Variants in SUSD4 observed in about 807,000 individuals in gnomAD.
The protein encoded by SUSD4 is sushi domain-containing protein 4.
SUSD4 carries 41 observed loss-of-function variants against 50.5 expected under a neutral mutation model. The observed-to-expected ratio is 0.81, with a 90% confidence interval of 0.63 to 1.05. The LOEUF is 1.05. Among genes scored for constraint, SUSD4 ranks in the 50% least tolerant of loss-of-function variants. The probability of loss-of-function intolerance (pLI) is 0.00; values close to 1 mark genes in which losing one functional copy is unlikely to be tolerated. For synonymous variants in SUSD4, 257 were observed against 257.3 expected (o/e 1.00, Z 0.01); for missense variants, 580 against 634.7 (o/e 0.91, Z 0.93).
In SUSD4 at chr1:223,229,218, G is replaced by C. The variant is rs774042536; in HGVS notation, c.895C>G (p.Gln299Glu). The change falls in exon 6 of 9, where the codon CAA becomes GAA. Residue 299 changes from glutamine (Q) to glutamate (E), a missense_variant. Coordinates refer to ENST00000366878, the MANE Select transcript of SUSD4 (RefSeq NM_017982.4). The surrounding 1 kb of genome is among the most constrained non-coding windows in gnomAD (Gnocchi z 4.7). ...TTACCTGATTTGATGCAGTAGACTT[G>C]ATAAGAAGGAAACCACTCTCCATAC... The part of the protein sequence containing the change: ...CQYGEWFPSY[Q>E]VYCIKSEQTW... 20 of 1,607,092 alleles carry C rather than the reference G, an allele frequency of 1.2e-5. No individual in the cohort carries two copies. The South Asian group carries it at 2.1e-4, about 17-fold the overall frequency.
At chr1:223,333,446 T>C (rs825127) in intron 2 of SUSD4, among the ~76,000 whole-genome samples, 1 of 151,846 alleles carries the variant, frequency 6.6e-6, no homozygotes, top group African/African-American at 2.4e-5. Flanking sequence ...TTAAAATTAG[T>C]GCTTCCTGTT....
chr1:223,233,880 G>T (rs1389758955), intron 5 of SUSD4, among the ~76,000 whole-genome samples: 1 of 149,864 alleles, frequency 6.7e-6, no homozygotes, highest in Non-Finnish European at 1.5e-5. Context: ...CAGGGCTTTT[G>T]TGAGGCTTGG....
At chr1:223,343,781 C>T (rs762407916) in intron 2 of SUSD4, among the ~76,000 whole-genome samples, 17 of 152,184 alleles carry the variant, frequency 1.1e-4, no homozygotes, top group Non-Finnish European at 2.2e-4. Context: ...TTAAACCTAG[C>T]TATGGTTTCC....
At chr1:223,329,803 T>C (rs189339944) in intron 2 of SUSD4, among the ~76,000 whole-genome samples, 43 of 151,958 alleles carry the variant, frequency 2.8e-4, no homozygotes, top group African/African-American at 9.9e-4. Context: ...GAGAGATGAA[T>C]AGATAAATGA....
At chr1:223,249,679 T>C (rs747861745) in intron 5 of SUSD4, among the ~76,000 whole-genome samples, 1 of 152,180 alleles carries the variant, frequency 6.6e-6, no homozygotes, top group Non-Finnish European at 1.5e-5. Flanking sequence ...ATATTATCCA[T>C]AGAAAATAAA....
intron 6 of SUSD4, among the ~76,000 whole-genome samples, chr1:223,228,611 T>G (rs1325941356): frequency 6.6e-6 from 1 of 152,202 alleles, no homozygotes; most frequent in African/African-American, 2.4e-5. Context: ...TCATTTGCTT[T>G]TAACTATGAA....
rs539490568 is a variant in SUSD4 at position 223,256,918 on chromosome 1, G to A, written c.724+7712C>T. 9.1e-4 allele frequency among the ~76,000 whole-genome samples: 139 copies of A among 152,290 alleles called. 1 individual carries two copies. The highest frequency in any genetic ancestry group is 3.2e-3 in the African/African-American group (135 of 41,552). ...AGAGTGACCTTGGGGAAGGAGCACC[G>A]GAGCTGTCTGAACCTCAGTTTCCTC... is the stretch of plus-strand genomic sequence containing the variant. On this transcript the variant is annotated intron_variant, in intron 5 of 8. Coordinates refer to ENST00000366878, the MANE Select transcript of SUSD4 (RefSeq NM_017982.4).
In SUSD4 at chr1:223,229,403, G is replaced by A; in HGVS notation, c.725-15C>T. 1.9e-6 allele frequency: 3 copies of A among 1,571,298 alleles called. No homozygotes were observed. Among genetic ancestry groups the A allele is most frequent in the Non-Finnish European group, 2.6e-6 (3 of 1,148,180 alleles). ...TAGTGGACAGACTTGGGCAGTAGGGGAGAATAAAAGTTTCAGAACCACAAG... is the reference window on the plus strand; with the variant it reads ...TAGTGGACAGACTTGGGCAGTAGGGAAGAATAAAAGTTTCAGAACCACAAG... On this transcript the variant is annotated splice_polypyrimidine_tract_variant and intron_variant, in intron 5 of 8. Transcript: ENST00000366878. This position sits in a 1 kb window ranked among gnomAD's most constrained non-coding sequence, Gnocchi z 4.7.
At chr1:223,260,683 T>G (rs981520941) in intron 5 of SUSD4, among the ~76,000 whole-genome samples, 2 of 152,202 alleles carry the variant, frequency 1.3e-5, no homozygotes, top group Non-Finnish European at 2.9e-5. Flanking sequence ...TGCTTTGAAA[T>G]TTTGGGTGCT....
rs118043866 is a variant in SUSD4 at position 223,296,302 on chromosome 1, C to G, written c.149-3651G>C. Among the ~76,000 whole-genome samples, 38 of 152,252 alleles carry G rather than the reference C, an allele frequency of 2.5e-4. No homozygotes were observed. In the East Asian group the frequency reaches 4.6e-3, roughly 19 times the overall value. ...AGGAGAGAGGCGTCCAGGATACCTTCCTGGTTCTGGCATCAATGTCAGGGT... is the reference window on the plus strand; with the variant it reads ...AGGAGAGAGGCGTCCAGGATACCTTGCTGGTTCTGGCATCAATGTCAGGGT... On this transcript the variant is annotated intron_variant, in intron 2 of 8. Transcript: ENST00000366878.
intron 3 of SUSD4, among the ~76,000 whole-genome samples, chr1:223,291,520 G>A (rs1095170): frequency 0.48 from 67,133 of 139,654 alleles, 17,530 homozygotes; most frequent in African/African-American, 0.72. Context: ...AGCTTATTAA[G>A]TTATTTAAAA....
chr1:223,353,774 C>T (rs968881746), intron 2 of SUSD4, among the ~76,000 whole-genome samples: 1 of 152,102 alleles, frequency 6.6e-6, no homozygotes, highest in African/African-American at 2.4e-5. Context: ...GCCCCCTGGC[C>T]ACCATCACTG....
intron 3 of SUSD4, among the ~76,000 whole-genome samples, chr1:223,268,974 T>C (rs1051287598): frequency 2.0e-5 from 3 of 152,158 alleles, no homozygotes; most frequent in African/African-American, 7.2e-5. Flanking sequence ...TGAACAATTT[T>C]GGAAATAAGT....
At chr1:223,336,804 A>T (rs1294124482) in intron 2 of SUSD4, among the ~76,000 whole-genome samples, 1 of 152,112 alleles carries the variant, frequency 6.6e-6, no homozygotes, top group Non-Finnish European at 1.5e-5. Context: ...ATTCTATCTC[A>T]GCGAGTCCTA....
chr1:223,255,868 C>G (rs557078049), intron 5 of SUSD4, among the ~76,000 whole-genome samples: 1 of 152,310 alleles, frequency 6.6e-6, no homozygotes, highest in African/African-American at 2.4e-5. Context: ...CCAGGAGAGG[C>G]TAATTGAGAC....
In SUSD4 at chr1:223,220,955, C is replaced by G. The variant is rs1455705011; in HGVS notation, c.*1237G>C. ...GAGCTTTGTTTACATTTGTCTAAAACCAAGAGAAGGAAAGGAATCAACTCC... is the reference window on the plus strand; with the variant it reads ...GAGCTTTGTTTACATTTGTCTAAAAGCAAGAGAAGGAAAGGAATCAACTCC... On this transcript the variant is annotated 3_prime_UTR_variant, in exon 9 of 9. Coordinates refer to ENST00000366878, the MANE Select transcript of SUSD4 (RefSeq NM_017982.4). 2 of 400,506 alleles carry G rather than the reference C, an allele frequency of 5.0e-6. No homozygotes were observed. Among genetic ancestry groups the G allele is most frequent in the Admixed American group, 8.8e-5 (2 of 22,718 alleles). The allele number at this position is 400,506 out of a possible 1,614,324, so 24.8% of individuals were successfully genotyped here.
At chr1:223,276,970 G>T (rs1663319312) in intron 3 of SUSD4, among the ~76,000 whole-genome samples, 1 of 152,200 alleles carries the variant, frequency 6.6e-6, no homozygotes, top group Non-Finnish European at 1.5e-5. Context: ...AGCCTCTGGA[G>T]CTAGAAGACA....
chr1:223,285,738 G>C (rs1250983106), intron 3 of SUSD4, among the ~76,000 whole-genome samples: 1 of 152,152 alleles, frequency 6.6e-6, no homozygotes, highest in African/African-American at 2.4e-5. Flanking sequence ...ACTAACACAG[G>C]AACAGAAAAA....
chr1:223,311,630 A>C (rs555236158), intron 2 of SUSD4, among the ~76,000 whole-genome samples: 1 of 152,370 alleles, frequency 6.6e-6, no homozygotes, highest in East Asian at 1.9e-4. Flanking sequence ...GATGAGTGCA[A>C]GAAAAAAATT....
Sources: allele counts gnomAD v4.1 joint callset (sites outside exome capture counted in the v4.1 genomes callset), GRCh38; gene constraint gnomAD v4.1.1; non-coding constraint Gnocchi (gnomAD v3.1); transcripts MANE v1.5; gene names NCBI Gene and HGNC (gene_info 2026-07-23, HGNC 2026-07-21).